Variants in MX2 observed in about 807,000 individuals in gnomAD.
The protein encoded by MX2 is interferon-induced GTP-binding protein Mx2.
Under a neutral mutation model 74.0 loss-of-function variants are expected in MX2, and 51 were observed. The observed-to-expected ratio is 0.69, with a 90% CI of 0.55 to 0.87. The LOEUF (loss-of-function observed/expected upper bound fraction) is 0.87, where lower values mean the gene tolerates loss of function less well. Among genes scored for constraint, MX2 ranks in the 40% least tolerant of loss-of-function variants. The probability of loss-of-function intolerance (pLI) is 0.00; values close to 1 mark genes in which losing one functional copy is unlikely to be tolerated. For synonymous variants in MX2, 369 were observed against 339.3 expected (o/e 1.09, Z -0.96); for missense variants, 832 against 908.7 (o/e 0.92, Z 1.09).
intron 3 of MX2, among the ~76,000 whole-genome samples, chr21:41,379,109 C>T (rs1357502692): frequency 2.0e-5 from 3 of 152,226 alleles, no homozygotes; most frequent in Admixed American, 1.3e-4. Context: ...CTTTACCCAG[C>T]GTGTCCCGTA....
chr21:41,401,531 G>C (rs1200407693), intron 10 of MX2: 1 of 155,350 alleles, frequency 6.4e-6, no homozygotes, highest in South Asian at 1.9e-4. Flanking sequence ...ATACCACCAT[G>C]CCTGGCTCAT....
At chr21:41,367,448 T>C (rs534433636) in intron 1 of MX2, 2 of 152,084 alleles carry the variant, frequency 1.3e-5, no homozygotes, top group East Asian at 3.9e-4. Flanking sequence ...CTGAATAAGA[T>C]GGTAATGTTA....
At chr21:41,405,410 G>C (rs2089871664) in intron 12 of MX2, among the ~76,000 whole-genome samples, 1 of 152,118 alleles carries the variant, frequency 6.6e-6, no homozygotes. Flanking sequence ...CCTGAGATCA[G>C]TGTGTCGGCA....
intron 6 of MX2, among the ~76,000 whole-genome samples, chr21:41,391,162 A>G (rs2145926851): frequency 1.3e-5 from 2 of 152,260 alleles, no homozygotes; most frequent in East Asian, 3.9e-4. Context: ...GGAATGGCTT[A>G]TTGAGGACTG....
intron 8 of MX2, among the ~76,000 whole-genome samples, 199 bp from the exon 9 acceptor site, chr21:41,398,698 T>C (rs943074473): frequency 2.6e-5 from 4 of 152,120 alleles, no homozygotes; most frequent in African/African-American, 9.7e-5. Flanking sequence ...AAGAATTACC[T>C]GGAAAGTTTG....
At chr21:41,404,812 T>C (rs1407218527) in intron 12 of MX2, 1 of 150,928 alleles carries the variant, frequency 6.6e-6, no homozygotes, top group African/African-American at 2.4e-5. Context: ...AACTTTCCCT[T>C]TAGTATAGTA....
chr21:41,369,076 C>T (rs1258947757), intron 1 of MX2, among the ~76,000 whole-genome samples: 1 of 152,214 alleles, frequency 6.6e-6, no homozygotes, highest in African/African-American at 2.4e-5. Flanking sequence ...CTCAGTGATC[C>T]CATAAAATTG....
rs1164457567 is a variant in MX2, at chr21:41,409,389, A to C, written c.*1156A>C. 1 of 152,272 alleles carries C rather than the reference A, an allele frequency of 6.6e-6. No homozygotes were observed. Among genetic ancestry groups the C allele is most frequent in the East Asian group, 1.9e-4 (1 of 5,204 alleles). 9.4% of individuals were successfully genotyped at this position (152,272 alleles called of 1,614,324 possible). ...GATTCCTTAATAAAAAGGCAATAGA[A>C]TAAATATCATTGCTGATTTGTTTTA... On this transcript the variant is annotated 3_prime_UTR_variant, in exon 14 of 14. Coordinates refer to ENST00000330714, the MANE Select transcript of MX2 (RefSeq NM_002463.2).
intron 7 of MX2, among the ~76,000 whole-genome samples, chr21:41,397,199 C>T (rs1353939472): frequency 6.6e-6 from 1 of 152,224 alleles, no homozygotes; most frequent in Non-Finnish European, 1.5e-5. Context: ...TGTGTCTCAG[C>T]CTTTCTTGCT....
chr21:41,393,368 G>C (rs1350691114), intron 6 of MX2, among the ~76,000 whole-genome samples: 1 of 152,146 alleles, frequency 6.6e-6, no homozygotes, highest in Non-Finnish European at 1.5e-5. Flanking sequence ...TTAAGACAGA[G>C]ACTGCTCCTG....
Position 41,402,186 on chromosome 21 carries a change from A to G in MX2, c.1573+58A>G. The stretch of plus-strand genomic sequence containing the variant: ...CACTCTCATACCTTCCATAGACCCC[A>G]GTGCCTTGGAGGGAGAGATTGGAAT... On this transcript the variant is annotated intron_variant, in intron 11 of 13. Coordinates refer to ENST00000330714, the MANE Select transcript of MX2 (RefSeq NM_002463.2). This position sits in a 1 kb window ranked among gnomAD's most constrained non-coding sequence, Gnocchi z 4.5. 6.5e-7 allele frequency: 1 copy of G among 1,538,040 alleles called. No individual in the cohort carries two copies. Among genetic ancestry groups the G allele is most frequent in the Non-Finnish European group, 8.8e-7 (1 of 1,139,954 alleles).
At chr21:41,389,810 G>T (rs1601416432) in intron 5 of MX2, 1 of 152,136 alleles carries the variant, frequency 6.6e-6, no homozygotes, top group Non-Finnish European at 1.5e-5. Flanking sequence ...TGTAAATTGT[G>T]CCAAAATATA....
chr21:41,390,408 G>A (rs2089641222), intron 5 of MX2, 157 bp from the exon 6 acceptor site: 3 of 1,039,552 alleles, frequency 2.9e-6, no homozygotes, highest in Admixed American at 1.9e-5. Context: ...GGCCGCCGGG[G>A]CAGGCATTCC....
chr21:41,393,872 A>C (rs1400017810), intron 6 of MX2, among the ~76,000 whole-genome samples: 2 of 152,094 alleles, frequency 1.3e-5, no homozygotes, highest in Admixed American at 1.3e-4. Context: ...TCCCCACCTC[A>C]TTCACAGAAC....
In MX2 at chr21:41,395,707, A is replaced by G. The variant is rs574582193; in HGVS notation, c.992A>G (p.Gln331Arg). ...ATGATTGTGAAGTGCCGGGGCCAGC[A>G]GGAGATCACAAACAGGCTGAGCTTG... is the stretch of plus-strand genomic sequence containing the variant. ...GYMIVKCRGQ[Q>R]EITNRLSLAE... Residue 331 changes from glutamine to arginine, a missense_variant, in exon 7 of 14, where the codon CAG (glutamine) becomes CGG (arginine). Transcript: ENST00000330714. 1.1e-5 allele frequency: 18 copies of G among 1,614,118 alleles called. No homozygotes were observed. Among genetic ancestry groups the G allele is most frequent in the Non-Finnish European group, 1.5e-5 (18 of 1,180,056 alleles).
intron 10 of MX2, chr21:41,401,288 T>C (rs2089810820): frequency 1.3e-5 from 2 of 152,266 alleles, no homozygotes; most frequent in Non-Finnish European, 2.9e-5. Context: ...GTGTTTTTGT[T>C]CTGGCACTTG....
Position 41,384,659 on chromosome 21 carries a change from A to G in MX2, c.732+2095A>G, listed in dbSNP as rs144080978. Reference sequence around the variant, plus strand: ...AGCCTTGACCTGGTGACCAAAAAGAATTCTATCTGAAAGGGTGGCAGTATA... The same window carrying G: ...AGCCTTGACCTGGTGACCAAAAAGAGTTCTATCTGAAAGGGTGGCAGTATA... On this transcript the variant is annotated intron_variant, in intron 5 of 13. Transcript: ENST00000330714. Among the ~76,000 whole-genome samples, 40 of 152,276 alleles carry G rather than the reference A, an allele frequency of 2.6e-4. No homozygotes were observed. In the East Asian group the frequency reaches 5.8e-3, roughly 22 times the overall value.
rs771953735 is a variant in MX2, at chr21:41,380,021, C to T, written c.447C>T (p.Ile149=). 1.2e-5 allele frequency: 20 copies of T among 1,613,704 alleles called. No homozygotes were observed. Among genetic ancestry groups the T allele is most frequent in the African/African-American group, 4.0e-5 (3 of 74,912 alleles). The change falls in exon 4 of 14, where the codon ATC becomes ATT. Residue 149 remains isoleucine (I), a synonymous_variant. Transcript: ENST00000330714. This position sits in a 1 kb window ranked among gnomAD's most constrained non-coding sequence, Gnocchi z 4.3. ...SGVALPRGSG[I]VTRCPLVLKL... Reference sequence around the variant, plus strand: ...TTTGGGGAACCTCTCGCTCAGGAATCGTAACCAGGTGTCCGCTGGTGCTGA... The same window carrying T: ...TTTGGGGAACCTCTCGCTCAGGAATTGTAACCAGGTGTCCGCTGGTGCTGA...
chr21:41,393,074 A>T (rs1473035647), intron 6 of MX2, among the ~76,000 whole-genome samples: 1 of 143,936 alleles, frequency 6.9e-6, no homozygotes, highest in Non-Finnish European at 1.5e-5. Flanking sequence ...ACTGCACTCC[A>T]GCCTGGTGAC....
Sources: allele counts gnomAD v4.1 joint callset (sites outside exome capture counted in the v4.1 genomes callset), GRCh38; gene constraint gnomAD v4.1.1; non-coding constraint Gnocchi (gnomAD v3.1); transcripts MANE v1.5; gene names NCBI Gene and HGNC (gene_info 2026-07-23, HGNC 2026-07-21).